Variants in HERC2 observed in about 807,000 individuals in gnomAD.
HERC2 encodes the protein E3 ubiquitin-protein ligase HERC2.
A neutral mutation model predicts 537.7 loss-of-function variants in HERC2; 102 were observed. That is an observed-to-expected ratio of 0.19 (90% CI 0.16 to 0.22). HERC2 has a LOEUF of 0.22. HERC2 is among the 10% of genes least tolerant of loss of function. The pLI is 1.00. For synonymous variants in HERC2, 2,224 were observed against 2,466.2 expected (o/e 0.90, Z 2.91); for missense variants, 4,236 against 6,198.2 (o/e 0.68, Z 10.63).
At chr15:28,290,562 CA>C (rs1263195001) in intron 4 of HERC2, among the ~76,000 whole-genome samples, 10 of 152,298 alleles carry the variant, frequency 6.6e-5, no homozygotes, top group Non-Finnish European at 1.5e-5. Flanking sequence ...AAACATTCCA[CA>C]GAATACACCA....
At chr15:28,239,369 G>T (rs1387093868) in intron 23 of HERC2, among the ~76,000 whole-genome samples, 1 of 151,964 alleles carries the variant, frequency 6.6e-6, no homozygotes, top group Admixed American at 6.6e-5. Flanking sequence ...CTCAAAAAAA[G>T]AAAACCTGAG....
chr15:28,246,688 G>T, intron 22 of HERC2, 54 bp downstream of exon 22: 1 of 1,435,532 alleles, frequency 7.0e-7, no homozygotes, highest in Non-Finnish European at 9.3e-7. Context: ...AGACACTTTA[G>T]CTTTCATCTA....
intron 21 of HERC2, 27 bp from the exon 22 acceptor site, chr15:28,246,924 T>C: frequency 6.3e-7 from 1 of 1,590,080 alleles, no homozygotes; most frequent in Non-Finnish European, 8.5e-7. Context: ...GAAATTTTCA[T>C]TTTCACTACT....
At chr15:28,158,799 T>C (rs1893279364) in intron 69 of HERC2, among the ~76,000 whole-genome samples, 1 of 152,222 alleles carries the variant, frequency 6.6e-6, no homozygotes, top group South Asian at 2.1e-4. Context: ...CTGGTTATTT[T>C]GCTCGTTAGT....
intron 56 of HERC2, among the ~76,000 whole-genome samples, chr15:28,182,838 C>T (rs919134210): frequency 1.3e-5 from 2 of 152,098 alleles, no homozygotes; most frequent in African/African-American, 2.4e-5. Context: ...CATTCCAAGC[C>T]ATGGAAACAG....
At chr15:28,266,012 C>T (rs778117762) in intron 12 of HERC2, 38 bp from the exon 13 acceptor site, 2 of 1,605,060 alleles carry the variant, frequency 1.2e-6, no homozygotes. Context: ...TGCCCTTCTT[C>T]TTGGTGTTAT....
chr15:28,236,970 T>A lies in HERC2; in HGVS notation c.3996A>T (p.Glu1332Asp). Reference sequence around the variant, plus strand: ...AAGCAAAGATTTTCTTACTGGCACATTCAATCTCGACAGGAGACAGCGGTG... The same window carrying A: ...AAGCAAAGATTTTCTTACTGGCACAATCAATCTCGACAGGAGACAGCGGTG... Reference protein sequence around the residue: ...MSTPLSPVEIECAKWLQSSIF... With the variant: ...MSTPLSPVEIDCAKWLQSSIF... Residue 1332 changes from glutamate to aspartate, a missense_variant, in exon 26 of 93, where the codon GAA becomes GAT. Around this residue, in one of 27 missense-constraint regions of HERC2, gnomAD observed 754 missense variants for 1,085.0 expected, o/e 0.69. Coordinates refer to ENST00000261609, the MANE Select transcript of HERC2 (RefSeq NM_004667.6). The A allele has an allele frequency of 6.2e-7, 1 of 1,611,788 alleles. No homozygotes were observed. The highest frequency in any genetic ancestry group is 1.1e-5 in the South Asian group (1 of 90,984).
At chr15:28,304,165 C>CAAAAAA (rs779514776) in intron 2 of HERC2, among the ~76,000 whole-genome samples, 4 of 63,818 alleles carry the variant, frequency 6.3e-5, no homozygotes, top group East Asian at 3.7e-4. Context: ...GACTCCATCT[C>CAAAAAA]AAAAAAAAAA....
chr15:28,312,538 G>A (rs2076975399), intron 2 of HERC2, among the ~76,000 whole-genome samples: 2 of 152,114 alleles, frequency 1.3e-5, no homozygotes, highest in South Asian at 4.1e-4. Flanking sequence ...GGCTACAGCA[G>A]GACGGTCACC....
At chr15:28,301,888 C>T (rs2076647649) in intron 2 of HERC2, among the ~76,000 whole-genome samples, 1 of 148,536 alleles carries the variant, frequency 6.7e-6, no homozygotes, top group Admixed American at 6.8e-5. Context: ...CAACCTTTGC[C>T]TTTTGGGTTC....
intron 58 of HERC2, 25 bp from the exon 59 acceptor site, chr15:28,179,055 G>A: frequency 9.3e-6 from 15 of 1,610,732 alleles, no homozygotes; most frequent in South Asian, 1.1e-5. Flanking sequence ...AGCCAGGAGA[G>A]GACTCTCTTT....
intron 89 of HERC2, 22 bp from the exon 90 acceptor site, chr15:28,114,824 C>T (rs1566905990): frequency 6.2e-7 from 1 of 1,607,700 alleles, no homozygotes; most frequent in African/African-American, 1.3e-5. Context: ...AAAAAGAAAG[C>T]CCATGTGTCG....
In HERC2 at chr15:28,305,410, A is replaced by G. The variant is rs2076758323; in HGVS notation, c.73-5894T>C. ...CTATCTGATCTTTGACAAACCTGAGAAAAACAAGCAATGGGGAAAGGATTC... is the reference window on the plus strand; with the variant it reads ...CTATCTGATCTTTGACAAACCTGAGGAAAACAAGCAATGGGGAAAGGATTC... On this transcript the variant is annotated intron_variant, in intron 2 of 92. Coordinates refer to ENST00000261609, the MANE Select transcript of HERC2 (RefSeq NM_004667.6). Among the ~76,000 whole-genome samples the G allele has an allele frequency of 2.0e-5, 3 of 147,682 alleles. No individual in the cohort carries two copies. In the Admixed American group the frequency reaches 2.0e-4, roughly 10 times the overall value.
At chr15:28,263,244 A>T in intron 14 of HERC2, 75 bp from the exon 15 acceptor site, 1 of 1,512,142 alleles carries the variant, frequency 6.6e-7, no homozygotes, top group Non-Finnish European at 9.0e-7. Context: ...TGCAAATAAT[A>T]TAATGAAAAA....
intron 92 of HERC2, among the ~76,000 whole-genome samples, chr15:28,112,319 G>A (rs375805083): frequency 3.3e-5 from 5 of 152,154 alleles, no homozygotes; most frequent in Non-Finnish European, 4.4e-5. Context: ...CCTGGCTGGC[G>A]GAGGACCAGG....
At chr15:28,221,835 A>C (rs944612225) in intron 36 of HERC2, among the ~76,000 whole-genome samples, 193 bp downstream of exon 36, 14 of 151,768 alleles carry the variant, frequency 9.2e-5, no homozygotes, top group African/African-American at 3.4e-4. Context: ...TCCAGACTTG[A>C]TTCTGCTCAG....
At chr15:28,173,226 C>T (rs777811748) in intron 65 of HERC2, among the ~76,000 whole-genome samples, 27 of 152,128 alleles carry the variant, frequency 1.8e-4, no homozygotes, top group Non-Finnish European at 3.1e-4. Context: ...TAGGAGTTTA[C>T]CCAAGAGAAT....
intron 69 of HERC2, among the ~76,000 whole-genome samples, chr15:28,162,877 C>T (rs1342506639): frequency 6.6e-6 from 1 of 152,152 alleles, no homozygotes; most frequent in African/African-American, 2.4e-5. Flanking sequence ...GGCGACAGAG[C>T]GAGACTCCGT....
chr15:28,268,457 A>G lies in HERC2; in HGVS notation c.1598+8T>C. 6.2e-7 allele frequency: 1 copy of G among 1,612,730 alleles called. No homozygotes were observed. Among genetic ancestry groups the G allele is most frequent in the South Asian group, 1.1e-5 (1 of 90,876 alleles). On this transcript the variant is annotated splice_region_variant and intron_variant, in intron 12 of 92. Transcript: ENST00000261609. This position sits in a 1 kb window ranked among gnomAD's most constrained non-coding sequence, Gnocchi z 4.7. ...AGTGTGTCCCCTACAGGAATAAGCG[A>G]TACATACACAGTGTCCCCATGGCCC...
Sources: allele counts gnomAD v4.1 joint callset (sites outside exome capture counted in the v4.1 genomes callset), GRCh38; gene constraint gnomAD v4.1.1; regional missense constraint gnomAD v4.1.1; non-coding constraint Gnocchi (gnomAD v3.1); transcripts MANE v1.5; gene names NCBI Gene and HGNC (gene_info 2026-07-23, HGNC 2026-07-21).